THSD7B: variants seen among roughly 807,000 people sequenced by gnomAD.
THSD7B encodes thrombospondin type 1 domain containing 7B.
In THSD7B, 138 loss-of-function variants were observed where a neutral mutation model predicts 213.6. The observed-to-expected ratio is 0.65, with a 90% CI of 0.56 to 0.74. THSD7B has a LOEUF of 0.74. Among genes scored for constraint, THSD7B ranks in the 30% least tolerant of loss-of-function variants. The probability of loss-of-function intolerance (pLI) is 0.00; values close to 1 mark genes in which losing one functional copy is unlikely to be tolerated. For missense variants in THSD7B, 1,931 were observed against 1,991.5 expected (o/e 0.97, Z 0.58); for synonymous variants, 742 against 687.0 (o/e 1.08, Z -1.25).
At chr2:137,504,214 G>A (rs1422591546) in intron 15 of THSD7B, among the ~76,000 whole-genome samples, 1 of 151,936 alleles carries the variant, frequency 6.6e-6, no homozygotes, top group East Asian at 1.9e-4. Flanking sequence ...TTTACAATAT[G>A]TATTTTTAGG....
In THSD7B at chr2:137,071,748, A is replaced by G. The variant is rs527768902; in HGVS notation, c.950+14518A>G. Among the ~76,000 whole-genome samples, 56 of 152,224 alleles carry G rather than the reference A, an allele frequency of 3.7e-4. 1 individual carries two copies. In the East Asian group the frequency reaches 8.7e-3, roughly 24 times the overall value. ...GGGTTTTTATGGTTTTAGGTCTAACATTTAAGTCTTTAATCCATCTTGAAT... is the reference window on the plus strand; with the variant it reads ...GGGTTTTTATGGTTTTAGGTCTAACGTTTAAGTCTTTAATCCATCTTGAAT... On this transcript the variant is annotated intron_variant, in intron 3 of 27. Transcript: ENST00000409968.
intron 17 of THSD7B, among the ~76,000 whole-genome samples, chr2:137,580,816 A>G (rs1256983471): frequency 1.3e-5 from 2 of 152,118 alleles, no homozygotes; most frequent in East Asian, 1.9e-4. Context: ...GAGAAGGGGA[A>G]TATTGGGGGA....
intron 10 of THSD7B, among the ~76,000 whole-genome samples, chr2:137,246,600 A>T (rs1682045477): frequency 6.6e-6 from 1 of 152,190 alleles, no homozygotes; most frequent in South Asian, 2.1e-4. Context: ...AGCCATGCTT[A>T]TGATCTTCTT....
At chr2:137,609,225 A>G (rs992571169) in intron 17 of THSD7B, among the ~76,000 whole-genome samples, 14 of 152,204 alleles carry the variant, frequency 9.2e-5, no homozygotes, top group African/African-American at 3.1e-4. Flanking sequence ...TAGGGGAAAG[A>G]TAAAATTTAA....
intron 15 of THSD7B, among the ~76,000 whole-genome samples, chr2:137,494,721 G>A (rs1299470199): frequency 6.6e-6 from 1 of 152,064 alleles, no homozygotes; most frequent in East Asian, 1.9e-4. Context: ...TTTATATCAA[G>A]AGAAAGTTTA....
intron 15 of THSD7B, among the ~76,000 whole-genome samples, chr2:137,465,762 T>A (rs192969171): frequency 7.2e-5 from 11 of 152,284 alleles, no homozygotes. Flanking sequence ...TCTGGCTTCA[T>A]CCTCTAATAT....
chr2:136,779,950 C>T (rs977460991), intron 1 of THSD7B, among the ~76,000 whole-genome samples: 6 of 151,902 alleles, frequency 3.9e-5, no homozygotes, highest in Non-Finnish European at 5.9e-5. Flanking sequence ...GAGTCTGGTC[C>T]GAATCAGTAA....
chr2:136,843,253 A>G (rs1424434837), intron 1 of THSD7B, among the ~76,000 whole-genome samples: 1 of 152,158 alleles, frequency 6.6e-6, no homozygotes, highest in Non-Finnish European at 1.5e-5. Flanking sequence ...ATTGGTGTCT[A>G]TTGGGAGAAA....
intron 7 of THSD7B, among the ~76,000 whole-genome samples, chr2:137,203,419 C>G (rs1174472687): frequency 6.6e-6 from 1 of 151,892 alleles, no homozygotes; most frequent in Non-Finnish European, 1.5e-5. Flanking sequence ...GTGAAGTATA[C>G]TTTTTTAGAT....
chr2:137,658,167 C>A (rs138613019), intron 24 of THSD7B, among the ~76,000 whole-genome samples: 1 of 152,130 alleles, frequency 6.6e-6, no homozygotes, highest in Non-Finnish European at 1.5e-5. Context: ...CTTGCTCTTG[C>A]ACTATTGGTA....
At chr2:136,864,009 A>G (rs1369996856) in intron 1 of THSD7B, among the ~76,000 whole-genome samples, 1 of 152,160 alleles carries the variant, frequency 6.6e-6, no homozygotes, top group African/African-American at 2.4e-5. Flanking sequence ...TGCATGACGG[A>G]GGGAGAGGCA....
At chr2:137,322,892 G>A (rs771527518) in intron 12 of THSD7B, among the ~76,000 whole-genome samples, 39 of 152,158 alleles carry the variant, frequency 2.6e-4, no homozygotes, top group African/African-American at 1.2e-4. Flanking sequence ...GGACATGGAG[G>A]AGAGGATATT....
At chr2:136,828,307 C>T (rs774151826) in intron 1 of THSD7B, among the ~76,000 whole-genome samples, 2 of 152,052 alleles carry the variant, frequency 1.3e-5, no homozygotes, top group Non-Finnish European at 2.9e-5. Flanking sequence ...AATCAGAAAC[C>T]CAGGAACTAT....
intron 3 of THSD7B, among the ~76,000 whole-genome samples, chr2:137,082,062 C>G (rs1687757416): frequency 6.6e-6 from 1 of 152,084 alleles, no homozygotes; most frequent in African/African-American, 2.4e-5. Context: ...ATTTTGAAGT[C>G]TGTATCTGGG....
intron 1 of THSD7B, among the ~76,000 whole-genome samples, chr2:136,848,764 G>A (rs1683049665): frequency 6.6e-6 from 1 of 152,106 alleles, no homozygotes; most frequent in African/African-American, 2.4e-5. Context: ...TCTCTTGAAA[G>A]TTTGTTTAGA....
chr2:137,033,086 T>A (rs1306330891), intron 2 of THSD7B, among the ~76,000 whole-genome samples: 2 of 152,128 alleles, frequency 1.3e-5, no homozygotes, highest in Admixed American at 6.5e-5. Flanking sequence ...TGTGCTGAAA[T>A]TAAATTACAT....
intron 9 of THSD7B, among the ~76,000 whole-genome samples, chr2:137,240,465 C>T (rs1355418363): frequency 6.6e-6 from 1 of 152,002 alleles, no homozygotes; most frequent in Admixed American, 6.6e-5. Context: ...GTTCTGCCTG[C>T]CCTCCCTCTC....
intron 12 of THSD7B, among the ~76,000 whole-genome samples, chr2:137,323,342 C>T (rs1265530228): frequency 6.6e-6 from 1 of 152,146 alleles, no homozygotes; most frequent in Non-Finnish European, 1.5e-5. Context: ...TGCCCTGGCT[C>T]CCAGTTCCTG....
intron 2 of THSD7B, among the ~76,000 whole-genome samples, chr2:136,931,670 G>A (rs762313371): frequency 2.6e-4 from 39 of 152,136 alleles, no homozygotes; most frequent in Middle Eastern, 3.4e-3. Flanking sequence ...TAGATGTCAC[G>A]AAAAGTGTTT....
Sources: allele counts gnomAD v4.1 joint callset (sites outside exome capture counted in the v4.1 genomes callset), GRCh38; gene constraint gnomAD v4.1.1; transcripts MANE v1.5; gene names NCBI Gene and HGNC (gene_info 2026-07-23, HGNC 2026-07-21).